The following SSBP2 variants were observed in gnomAD, a reference collection of about 807,000 sequenced individuals.
The protein encoded by SSBP2 is single-stranded DNA-binding protein 2.
In SSBP2, 17 loss-of-function variants were observed where a neutral mutation model predicts 61.8. The ratio of observed to expected loss-of-function variants is 0.28; its 90% CI spans 0.19 to 0.41. The LOEUF (loss-of-function observed/expected upper bound fraction) is 0.41, where lower values mean the gene tolerates loss of function less well. Ranked by LOEUF, SSBP2 falls within the 10% of genes least tolerant of loss-of-function variation. The pLI, the probability that SSBP2 is intolerant of heterozygous loss-of-function variation, is 1.00. For synonymous variants in SSBP2, 139 were observed against 141.3 expected (o/e 0.98, Z 0.12); for missense variants, 310 against 458.7 (o/e 0.68, Z 2.96).
In SSBP2 at chr5:81,639,595, A is replaced by G. The variant is rs1581228655; in HGVS notation, c.136-2977T>C. On this transcript the variant is annotated intron_variant, in intron 2 of 16. Coordinates refer to ENST00000320672, the MANE Select transcript of SSBP2 (RefSeq NM_012446.5). The stretch of plus-strand genomic sequence containing the variant: ...AGGAAAACAGTAAAGTGGAATTACA[A>G]CTTTAAATACGGAGATCCAGAAAGA... 2.6e-5 allele frequency among the ~76,000 whole-genome samples: 4 copies of G among 152,104 alleles called. No homozygotes were observed. The East Asian group carries it at 7.7e-4, about 29-fold the overall frequency.
At chr5:81,733,589 G>T (rs938160238) in intron 1 of SSBP2, among the ~76,000 whole-genome samples, 14 of 152,098 alleles carry the variant, frequency 9.2e-5, no homozygotes, top group African/African-American at 2.9e-4. Context: ...ACAGCCCCAG[G>T]AATTGTTGTC....
intron 1 of SSBP2, among the ~76,000 whole-genome samples, chr5:81,674,661 T>A (rs1210533677): frequency 6.6e-6 from 1 of 152,214 alleles, no homozygotes; most frequent in Non-Finnish European, 1.5e-5. Context: ...CTACATTTTA[T>A]ATTAATTGAA....
chr5:81,728,224 CTT>C (rs1038621852), intron 1 of SSBP2, among the ~76,000 whole-genome samples: 4 of 152,088 alleles, frequency 2.6e-5, no homozygotes, highest in African/African-American at 9.7e-5. Context: ...GAACAGATGA[CTT>C]TTTCTTATCC....
At chr5:81,480,891 T>C (rs1483719170) in intron 6 of SSBP2, among the ~76,000 whole-genome samples, 1 of 152,196 alleles carries the variant, frequency 6.6e-6, no homozygotes, top group Non-Finnish European at 1.5e-5. Flanking sequence ...AAATTCTAAA[T>C]CCTTTGTTGT....
At chr5:81,545,911 T>G (rs964155365) in intron 4 of SSBP2, among the ~76,000 whole-genome samples, 12 of 152,200 alleles carry the variant, frequency 7.9e-5, no homozygotes, top group African/African-American at 2.9e-4. Context: ...CAATGTCCAC[T>G]CCATTCTTGG....
At chr5:81,671,718 A>G (rs1055624788) in intron 1 of SSBP2, among the ~76,000 whole-genome samples, 1 of 152,140 alleles carries the variant, frequency 6.6e-6, no homozygotes, top group African/African-American at 2.4e-5. Context: ...CCCTTAAGTA[A>G]TTTTCAGATT....
chr5:81,477,200 G>A (rs894362048), intron 6 of SSBP2, among the ~76,000 whole-genome samples: 2 of 152,142 alleles, frequency 1.3e-5, no homozygotes, highest in African/African-American at 4.8e-5. Flanking sequence ...TGCTTCTCAG[G>A]ATGTTCTTGT....
intron 3 of SSBP2, among the ~76,000 whole-genome samples, chr5:81,633,910 T>G (rs1462515769): frequency 2.6e-5 from 4 of 152,268 alleles, no homozygotes; most frequent in Non-Finnish European, 5.9e-5. Flanking sequence ...GCCTTCTAAG[T>G]GCTCCTCTAT....
chr5:81,507,050 T>G (rs953940180), intron 5 of SSBP2, among the ~76,000 whole-genome samples: 4 of 152,102 alleles, frequency 2.6e-5, no homozygotes, highest in African/African-American at 9.7e-5. Context: ...CTTATTGCGT[T>G]ATTACTATGT....
At chr5:81,725,373 G>C (rs1241329985) in intron 1 of SSBP2, among the ~76,000 whole-genome samples, 1 of 152,148 alleles carries the variant, frequency 6.6e-6, no homozygotes, top group African/African-American at 2.4e-5. Context: ...CAGAGTGCCA[G>C]TGGAAATGGA....
At chr5:81,535,832 A>G (rs1299559222) in intron 4 of SSBP2, among the ~76,000 whole-genome samples, 1 of 152,096 alleles carries the variant, frequency 6.6e-6, no homozygotes, top group East Asian at 1.9e-4. Context: ...ATATAATAAA[A>G]TCAAGATGAC....
chr5:81,594,247 G>C (rs184697630), intron 4 of SSBP2, among the ~76,000 whole-genome samples: 1,681 of 152,168 alleles, frequency 0.011, 42 homozygotes, highest in African/African-American at 0.038. Flanking sequence ...GACAAAGAAG[G>C]CCATTACATA....
chr5:81,570,975 A>G (rs1316302921), intron 4 of SSBP2, among the ~76,000 whole-genome samples: 1 of 152,138 alleles, frequency 6.6e-6, no homozygotes, highest in African/African-American at 2.4e-5. Context: ...GACAACTATC[A>G]CATCTGTTTT....
rs11350574 is a variant in SSBP2 at position 81,734,970 on chromosome 5, C to CA, written c.62+16010dup. 4.4e-3 allele frequency among the ~76,000 whole-genome samples: 309 copies of CA among 70,108 alleles called. 2 individuals are homozygous for CA. The highest frequency in any genetic ancestry group is 0.022 in the East Asian group (60 of 2,680). The allele number at this position is 70,108 out of a possible 152,430, so 46.0% of individuals were successfully genotyped here. Reference sequence around the variant, plus strand: ...TGGGAGACAGAGCAAGACTCCATCTCAAAAAAAAAAAAAAAAAAAAAAGAG... The same window carrying CA: ...TGGGAGACAGAGCAAGACTCCATCTCAAAAAAAAAAAAAAAAAAAAAAAGAG... On this transcript the variant is annotated intron_variant, in intron 1 of 16. Transcript: ENST00000320672.
intron 4 of SSBP2, among the ~76,000 whole-genome samples, chr5:81,515,844 C>T (rs1274820599): frequency 4.6e-5 from 7 of 151,604 alleles, no homozygotes; most frequent in Non-Finnish European, 1.0e-4. Context: ...AAGATTTAAG[C>T]AAGTTAAACC....
chr5:81,534,346 A>G (rs1770649433), intron 4 of SSBP2, among the ~76,000 whole-genome samples: 1 of 152,132 alleles, frequency 6.6e-6, no homozygotes, highest in African/African-American at 2.4e-5. Context: ...AGCAAAAACC[A>G]CAGTTTGAAA....
chr5:81,613,079 C>T (rs1043688562), intron 4 of SSBP2, among the ~76,000 whole-genome samples: 5 of 152,022 alleles, frequency 3.3e-5, no homozygotes, highest in Non-Finnish European at 7.4e-5. Flanking sequence ...CAAACTCTAT[C>T]TTTTCACCAG....
chr5:81,560,518 T>C (rs1024201016), intron 4 of SSBP2, among the ~76,000 whole-genome samples: 2 of 152,148 alleles, frequency 1.3e-5, no homozygotes, highest in Non-Finnish European at 2.9e-5. Context: ...AGAAGTATTA[T>C]TTTAGACAGA....
intron 4 of SSBP2, among the ~76,000 whole-genome samples, chr5:81,547,287 C>T (rs1741378279): frequency 6.6e-6 from 1 of 152,078 alleles, no homozygotes; most frequent in African/African-American, 2.4e-5. Context: ...GAAAACCTAT[C>T]CCCAAACAAA....
Sources: gnomAD v4.1 joint callset for allele counts (sites outside exome capture counted in the v4.1 genomes callset) on GRCh38, gnomAD v4.1.1 for gene constraint, MANE v1.5 for transcripts, NCBI Gene and HGNC (gene_info 2026-07-23, HGNC 2026-07-21) for gene names.